The following CAMTA1 variants were observed in gnomAD, a reference collection of about 807,000 sequenced individuals.
The protein encoded by CAMTA1 is calmodulin-binding transcription activator 1.
A neutral mutation model predicts 170.9 loss-of-function variants in CAMTA1; 27 were observed. That is an observed-to-expected ratio of 0.16 (90% CI 0.12 to 0.22). CAMTA1 has a LOEUF of 0.22. Ranked by LOEUF, CAMTA1 falls within the 10% of genes least tolerant of loss-of-function variation. The probability of loss-of-function intolerance (pLI) is 1.00; values close to 1 mark genes in which losing one functional copy is unlikely to be tolerated. For synonymous variants in CAMTA1, 833 were observed against 891.5 expected (o/e 0.93, Z 1.17); for missense variants, 1,619 against 2,217.2 (o/e 0.73, Z 5.42).
intron 6 of CAMTA1, among the ~76,000 whole-genome samples, chr1:7,480,920 A>G (rs947281686): frequency 1.1e-4 from 16 of 151,924 alleles, no homozygotes; most frequent in African/African-American, 3.9e-4. Context: ...CCAACTTCTC[A>G]CGGCTAGAGC....
chr1:7,194,037 C>T (rs1392495012), intron 4 of CAMTA1, among the ~76,000 whole-genome samples: 1 of 152,196 alleles, frequency 6.6e-6, no homozygotes. Context: ...TGAACGGAAG[C>T]ATTTTATACG....
At chr1:6,928,526 G>T (rs2149361200) in intron 3 of CAMTA1, among the ~76,000 whole-genome samples, 1 of 151,872 alleles carries the variant, frequency 6.6e-6, no homozygotes, top group South Asian at 2.1e-4. Context: ...ATTCCCATCT[G>T]CCCTCCCCAC....
intron 5 of CAMTA1, among the ~76,000 whole-genome samples, chr1:7,336,279 A>C (rs2083379441): frequency 6.6e-6 from 1 of 152,224 alleles, no homozygotes; most frequent in Non-Finnish European, 1.5e-5. Flanking sequence ...ACGTGTGTTC[A>C]TCAGCGCCCA....
intron 3 of CAMTA1, among the ~76,000 whole-genome samples, chr1:6,841,122 C>T (rs1655502721): frequency 1.3e-5 from 2 of 152,142 alleles, no homozygotes; most frequent in South Asian, 2.1e-4. Flanking sequence ...ATGCCAGCGA[C>T]GTAGAGTCTT....
intron 4 of CAMTA1, among the ~76,000 whole-genome samples, chr1:7,128,831 CTTTTTTTTTTTTT>C (rs34180837): frequency 4.9e-5 from 3 of 61,320 alleles, no homozygotes; most frequent in African/African-American, 7.5e-5. Context: ...GCTCCCCCTC[CTTTTTTTTTTTTT>C]TTTTTTTTTT....
At position 7,433,560 on chromosome 1, in the gene CAMTA1, C is replaced by T. The variant is rs545939303; in HGVS notation, c.439-34270C>T. On this transcript the variant is annotated intron_variant, in intron 5 of 22. Coordinates refer to ENST00000303635, the MANE Select transcript of CAMTA1 (RefSeq NM_015215.4). The stretch of plus-strand genomic sequence containing the variant: ...GGTGAAGCCACTACTACCTCACCAA[C>T]GGAGAAAAAAGGACGAGCCAATTGA... Among the ~76,000 whole-genome samples, 12 of 152,230 alleles carry T rather than the reference C, an allele frequency of 7.9e-5. No individual in the cohort carries two copies. In the South Asian group the frequency reaches 1.5e-3, roughly 18 times the overall value.
intron 5 of CAMTA1, among the ~76,000 whole-genome samples, chr1:7,252,931 G>A (rs989018628): frequency 2.2e-4 from 33 of 152,088 alleles, no homozygotes; most frequent in Admixed American, 1.5e-3. Flanking sequence ...CTCTACACAC[G>A]GCAATTCAAA....
intron 6 of CAMTA1, among the ~76,000 whole-genome samples, chr1:7,493,058 C>T (rs1384196060): frequency 1.1e-5 from 1 of 89,360 alleles, no homozygotes; most frequent in African/African-American, 6.1e-5. Context: ...TACATACACA[C>T]GCGCGCACAC....
chr1:7,668,569 G>A (rs574724883), intron 9 of CAMTA1, among the ~76,000 whole-genome samples: 58 of 151,634 alleles, frequency 3.8e-4, no homozygotes, highest in African/African-American at 1.3e-3. Flanking sequence ...ACCCTCCTGC[G>A]TCATCTCCCA....
chr1:6,875,768 T>C (rs1345374331), intron 3 of CAMTA1, among the ~76,000 whole-genome samples: 1 of 152,228 alleles, frequency 6.6e-6, no homozygotes, highest in Non-Finnish European at 1.5e-5. Flanking sequence ...GCTTTTAAAA[T>C]AATTCACTTT....
chr1:7,320,738 G>C (rs1678289226), intron 5 of CAMTA1, among the ~76,000 whole-genome samples: 1 of 136,350 alleles, frequency 7.3e-6, no homozygotes, highest in African/African-American at 2.8e-5. Context: ...TTTCCCTCAT[G>C]TACCTCACAG....
intron 3 of CAMTA1, among the ~76,000 whole-genome samples, chr1:6,826,053 C>T (rs1557638588): frequency 6.6e-6 from 1 of 152,136 alleles, no homozygotes; most frequent in Non-Finnish European, 1.5e-5. Context: ...AAATTTAGCA[C>T]CCTATCCTTA....
intron 4 of CAMTA1, among the ~76,000 whole-genome samples, chr1:7,171,788 C>T (rs112637477): frequency 0.011 from 1,644 of 152,294 alleles, 12 homozygotes; most frequent in Non-Finnish European, 0.017. Context: ...CCTACAGCTC[C>T]TGGCAGGCAC....
At chr1:7,569,531 C>T (rs917797740) in intron 6 of CAMTA1, among the ~76,000 whole-genome samples, 2 of 151,476 alleles carry the variant, frequency 1.3e-5, no homozygotes, top group Non-Finnish European at 2.9e-5. Flanking sequence ...CATCATTCTC[C>T]AACATCATCA....
chr1:7,129,947 G>A (rs1645151063), intron 4 of CAMTA1, among the ~76,000 whole-genome samples: 1 of 151,836 alleles, frequency 6.6e-6, no homozygotes, highest in Non-Finnish European at 1.5e-5. Context: ...GTGTGTGTGT[G>A]TGTGTGTGAG....
At chr1:6,922,662 A>C (rs1271538340) in intron 3 of CAMTA1, among the ~76,000 whole-genome samples, 1 of 152,124 alleles carries the variant, frequency 6.6e-6, no homozygotes, top group African/African-American at 2.4e-5. Context: ...TGAAAGTCAC[A>C]CGGCATCCCT....
At chr1:7,758,034 A>C (rs1224220587) in intron 22 of CAMTA1, among the ~76,000 whole-genome samples, 1 of 152,150 alleles carries the variant, frequency 6.6e-6, no homozygotes, top group South Asian at 2.1e-4. Context: ...CCCTCTGCAT[A>C]TATATAGATA....
At chr1:7,716,883 G>C (rs1011004075) in intron 11 of CAMTA1, among the ~76,000 whole-genome samples, 4 of 152,244 alleles carry the variant, frequency 2.6e-5, no homozygotes, top group African/African-American at 9.6e-5. Context: ...GTGTCCATCT[G>C]TGGATGAATG....
At chr1:7,717,714 C>T (rs1359697599) in intron 11 of CAMTA1, among the ~76,000 whole-genome samples, 2 of 151,624 alleles carry the variant, frequency 1.3e-5, no homozygotes, top group African/African-American at 4.8e-5. Context: ...AGCAACAAAG[C>T]GAGACCCTGT....
Sources: allele counts gnomAD v4.1 joint callset (sites outside exome capture counted in the v4.1 genomes callset), GRCh38; gene constraint gnomAD v4.1.1; transcripts MANE v1.5; gene names NCBI Gene and HGNC (gene_info 2026-07-23, HGNC 2026-07-21).